SUCLG2: variants seen among roughly 807,000 people sequenced by gnomAD.
SUCLG2 encodes succinate--CoA ligase [GDP-forming] subunit beta, mitochondrial.
In SUCLG2, 42 loss-of-function variants were observed where a neutral mutation model predicts 47.9. The observed-to-expected ratio is 0.88, with a 90% CI of 0.69 to 1.14. The LOEUF (loss-of-function observed/expected upper bound fraction) is 1.14. Ranked by LOEUF, SUCLG2 falls within the 50% of genes most tolerant of loss-of-function variation. The pLI is 0.00. For missense variants in SUCLG2, 571 were observed against 525.9 expected (o/e 1.09, Z -0.84); for synonymous variants, 195 against 197.3 (o/e 0.99, Z 0.10).
chr3:67,554,416 T>A (rs1707102078), intron 2 of SUCLG2, among the ~76,000 whole-genome samples: 2 of 152,194 alleles, frequency 1.3e-5, no homozygotes, highest in South Asian at 4.1e-4. Context: ...CACTCAGCTG[T>A]AATTCTTACA....
intron 9 of SUCLG2, among the ~76,000 whole-genome samples, chr3:67,439,584 C>G (rs1316037067): frequency 1.3e-5 from 2 of 152,056 alleles, no homozygotes; most frequent in East Asian, 3.9e-4. Context: ...TTCCTATACA[C>G]CAATAACAAA....
chr3:67,465,680 T>C (rs1384490497), intron 9 of SUCLG2, among the ~76,000 whole-genome samples: 2 of 152,210 alleles, frequency 1.3e-5, no homozygotes, highest in Non-Finnish European at 2.9e-5. Context: ...TGCATCATAG[T>C]CTGATGGCCA....
chr3:67,592,718 C>CAAAAAA (rs754866312), intron 2 of SUCLG2, among the ~76,000 whole-genome samples: 9 of 80,262 alleles, frequency 1.1e-4, no homozygotes, highest in Admixed American at 2.6e-4. Context: ...TCACATCCTC[C>CAAAAAA]AAAAAAAAAA....
intron 10 of SUCLG2, among the ~76,000 whole-genome samples, chr3:67,395,460 C>G (rs1039361136): frequency 1.3e-5 from 2 of 152,200 alleles, no homozygotes; most frequent in Non-Finnish European, 2.9e-5. Context: ...ATCAATTCAA[C>G]AAGAAGAACT....
intron 9 of SUCLG2, among the ~76,000 whole-genome samples, chr3:67,472,725 A>G (rs1704634459): frequency 6.6e-6 from 1 of 152,204 alleles, no homozygotes; most frequent in Admixed American, 6.5e-5. Flanking sequence ...AGGGAAGGAT[A>G]GCAAAAAATA....
intron 9 of SUCLG2, among the ~76,000 whole-genome samples, chr3:67,464,866 T>A (rs1387483214): frequency 6.6e-6 from 1 of 152,142 alleles, no homozygotes; most frequent in Admixed American, 6.6e-5. Flanking sequence ...ATGGTAAAAG[T>A]CTATGAAAGC....
At chr3:67,504,253 AG>A (rs1156717283) in intron 7 of SUCLG2, among the ~76,000 whole-genome samples, 5 of 134,040 alleles carry the variant, frequency 3.7e-5, no homozygotes, top group South Asian at 2.7e-4. Context: ...TGGGGTGGGT[AG>A]GGGGGTTGGG....
At chr3:67,521,951 T>C (rs1382929323) in intron 4 of SUCLG2, among the ~76,000 whole-genome samples, 1 of 152,120 alleles carries the variant, frequency 6.6e-6, no homozygotes, top group Non-Finnish European at 1.5e-5. Context: ...ACAACTTAAA[T>C]ATCTTTCTAA....
Position 67,528,163 on chromosome 3 carries a change from T to C in SUCLG2, c.386A>G (p.Gln129Arg). 6.2e-7 allele frequency: 1 copy of C among 1,613,968 alleles called. No homozygotes were observed. Among genetic ancestry groups the C allele is most frequent in the Admixed American group, 1.7e-5 (1 of 59,986 alleles). The change falls in exon 4 of 11, where the codon CAA becomes CGA. Residue 129 changes from glutamine (Q) to arginine (R), a missense_variant. Coordinates refer to ENST00000307227, the MANE Select transcript of SUCLG2 (RefSeq NM_003848.4). ...AACTTTCACACCTTCTTTTGGAGTT[T>C]GTTTTGTCGCTAGATTGTACCCAAT... ...QMIGYNLATKQTPKEGVKVNK... is the reference protein window; with the variant it reads ...QMIGYNLATKRTPKEGVKVNK...
At chr3:67,491,495 G>A (rs1312752382) in intron 9 of SUCLG2, among the ~76,000 whole-genome samples, 1 of 151,410 alleles carries the variant, frequency 6.6e-6, no homozygotes. Flanking sequence ...CTCCCAAGTA[G>A]CTGGAATTAT....
chr3:67,529,033 G>T, intron 3 of SUCLG2, 54 bp downstream of exon 3: 1 of 1,491,342 alleles, frequency 6.7e-7, no homozygotes, highest in Non-Finnish European at 9.2e-7. Flanking sequence ...TCTTGAGCAA[G>T]ATCTTCCATA....
At chr3:67,389,207 T>G (rs1034934122) in intron 10 of SUCLG2, among the ~76,000 whole-genome samples, 7 of 152,094 alleles carry the variant, frequency 4.6e-5, no homozygotes, top group Non-Finnish European at 1.0e-4. Context: ...AAGGGGAATC[T>G]AAGGAATTTA....
chr3:67,441,811 T>A (rs1019531339), intron 9 of SUCLG2, among the ~76,000 whole-genome samples: 2 of 152,060 alleles, frequency 1.3e-5, no homozygotes, highest in African/African-American at 4.8e-5. Flanking sequence ...TCAGAATATT[T>A]CCCCACTGCT....
At chr3:67,571,059 G>C (rs916027986) in intron 2 of SUCLG2, among the ~76,000 whole-genome samples, 7 of 152,108 alleles carry the variant, frequency 4.6e-5, no homozygotes, top group African/African-American at 1.4e-4. Context: ...AACATTTCTT[G>C]TATCTACCCT....
At chr3:67,465,049 T>C (rs1341303273) in intron 9 of SUCLG2, among the ~76,000 whole-genome samples, 2 of 152,132 alleles carry the variant, frequency 1.3e-5, no homozygotes, top group Admixed American at 6.5e-5. Flanking sequence ...TATAAGAAGA[T>C]AGCCACTGTA....
intron 1 of SUCLG2, among the ~76,000 whole-genome samples, chr3:67,616,360 A>G (rs1438356626): frequency 6.6e-6 from 1 of 152,212 alleles, no homozygotes; most frequent in Non-Finnish European, 1.5e-5. Flanking sequence ...GCTGCAGAAC[A>G]ATACATACAG....
In SUCLG2 at chr3:67,392,515, T is replaced by A. The variant is rs17046410; in HGVS notation, c.1183+8216A>T. On this transcript the variant is annotated intron_variant, in intron 10 of 10. Transcript: ENST00000307227. ...TATATCAATTTCCAGGTAAATAATC[T>A]ACTATATTTGGCCCTTTGGGTTTTC... Among the ~76,000 whole-genome samples the A allele has an allele frequency of 9.0e-3, 1,371 of 152,338 alleles. 21 individuals are homozygous for A. The highest frequency in any genetic ancestry group is 0.031 in the African/African-American group (1,294 of 41,572).
intron 9 of SUCLG2, among the ~76,000 whole-genome samples, chr3:67,438,616 C>G (rs1703682626): frequency 6.6e-6 from 1 of 152,182 alleles, no homozygotes; most frequent in Admixed American, 6.5e-5. Flanking sequence ...CACCTCTACA[C>G]AGATAAACTA....
In SUCLG2 at chr3:67,618,952, C is replaced by A. The variant is rs182422109; in HGVS notation, c.85-9356G>T. Among the ~76,000 whole-genome samples the A allele has an allele frequency of 1.6e-3, 238 of 152,284 alleles. 4 individuals carry two copies. Among genetic ancestry groups the A allele is most frequent in the Admixed American group, 0.013 (206 of 15,298 alleles). ...CTAGGATCAGACCAGCGTCCGAGAC[C>A]ATTTTTGTTCCATTGACAACGCATC... On this transcript the variant is annotated intron_variant, in intron 1 of 10. Transcript: ENST00000307227.
Sources: gnomAD v4.1 joint callset for allele counts (sites outside exome capture counted in the v4.1 genomes callset) on GRCh38, gnomAD v4.1.1 for gene constraint, MANE v1.5 for transcripts, NCBI Gene and HGNC (gene_info 2026-07-23, HGNC 2026-07-21) for gene names.